The following ZFHX3 variants were observed in gnomAD, a reference collection of about 807,000 sequenced individuals.
ZFHX3 encodes zinc finger homeobox protein 3.
Under a neutral mutation model 279.1 loss-of-function variants are expected in ZFHX3, and 42 were observed. The observed-to-expected ratio is 0.15, with a 90% CI of 0.12 to 0.19. The LOEUF is 0.19. ZFHX3 is among the 10% of genes least tolerant of loss of function. The pLI is 1.00. For synonymous variants in ZFHX3, 2,293 were observed against 1,957.8 expected, an observed-to-expected ratio of 1.17 and a Z score of -4.52; for missense variants, 4,981 against 4,754.0, an observed-to-expected ratio of 1.05 and a Z score of -1.40.
intron 5 of ZFHX3, among the ~76,000 whole-genome samples, chr16:73,215,048 T>C (rs1007413718): frequency 3.3e-5 from 5 of 152,106 alleles, no homozygotes; most frequent in Non-Finnish European, 7.4e-5. Flanking sequence ...TCTTAGTTCT[T>C]TGCCATAAAT....
intron 3 of ZFHX3, among the ~76,000 whole-genome samples, chr16:72,948,748 A>G (rs1960830146): frequency 6.6e-6 from 1 of 152,162 alleles, no homozygotes; most frequent in African/African-American, 2.4e-5. Context: ...GCAACCTTCA[A>G]TGGCCACGCC....
Position 72,798,467 on chromosome 16 carries a change from C to T in ZFHX3, c.4215G>A (p.Gln1405=), listed in dbSNP as rs762950193. The change falls in exon 9 of 10, where the codon CAG becomes CAA. Residue 1405 remains glutamine, a synonymous_variant. Transcript: ENST00000268489. The stretch of plus-strand genomic sequence containing the variant: ...CAATGGTCTTGAAGGCCAGGCTACA[C>T]TGATTACAGCGGTACTTGTACACAT... ...DRHVYKYRCN[Q]CSLAFKTIEK... is the part of the protein sequence containing the mutation. The T allele has an allele frequency of 1.9e-6, 3 of 1,614,108 alleles. No homozygotes were observed. Among genetic ancestry groups the T allele is most frequent in the Admixed American group, 3.3e-5 (2 of 60,010 alleles).
At chr16:73,857,213 C>A (rs919711616) in intron 1 of ZFHX3, among the ~76,000 whole-genome samples, 2 of 152,142 alleles carry the variant, frequency 1.3e-5, no homozygotes, top group Non-Finnish European at 2.9e-5. Flanking sequence ...GAGTTTAATT[C>A]TATTAAATTA....
At position 72,967,105 on chromosome 16, in the gene ZFHX3, G is replaced by A. The variant is rs544523483; in HGVS notation, c.-49-6911C>T. On this transcript the variant is annotated intron_variant, in intron 1 of 9. Transcript: ENST00000268489. ...AGTCCTCCACATCTGACATGTAATA[G>A]GTGCTTAATAAAACAATGGGGGAAA... Among the ~76,000 whole-genome samples, 20 of 152,276 alleles carry A rather than the reference G, an allele frequency of 1.3e-4. No individual in the cohort carries two copies. The South Asian group carries it at 3.7e-3, about 28-fold the overall frequency.
intron 3 of ZFHX3, among the ~76,000 whole-genome samples, chr16:72,949,555 C>T (rs886609289): frequency 6.6e-6 from 1 of 152,078 alleles, no homozygotes; most frequent in African/African-American, 2.4e-5. Context: ...GGAGCACCTC[C>T]CCCTCGGTTG....
At chr16:73,204,721 G>C (rs2011735202) in intron 5 of ZFHX3, among the ~76,000 whole-genome samples, 1 of 152,200 alleles carries the variant, frequency 6.6e-6, no homozygotes, top group African/African-American at 2.4e-5. Context: ...CAAGGATATA[G>C]TGCAGATTAA....
At chr16:72,935,605 G>A (rs996237235) in intron 3 of ZFHX3, among the ~76,000 whole-genome samples, 1 of 152,014 alleles carries the variant, frequency 6.6e-6, no homozygotes, top group South Asian at 2.1e-4. Flanking sequence ...GCTGGGCATG[G>A]TGGCATGTGC....
At chr16:73,395,204 C>A (rs1166472502) in intron 3 of ZFHX3, among the ~76,000 whole-genome samples, 7 of 152,206 alleles carry the variant, frequency 4.6e-5, no homozygotes, top group African/African-American at 1.7e-4. Context: ...GTGGCTCATG[C>A]CTGTAATCCC....
At chr16:73,469,626 T>C (rs1411541904) in intron 2 of ZFHX3, among the ~76,000 whole-genome samples, 2 of 144,286 alleles carry the variant, frequency 1.4e-5, no homozygotes, top group African/African-American at 5.2e-5. Context: ...TATATATATA[T>C]ATTTTTTTTG....
At chr16:73,531,139 T>C (rs1204301615) in intron 2 of ZFHX3, among the ~76,000 whole-genome samples, 4 of 152,210 alleles carry the variant, frequency 2.6e-5, no homozygotes, top group African/African-American at 9.6e-5. Flanking sequence ...TTTCCTAATA[T>C]AAATCTTTGT....
At position 72,785,122 on chromosome 16, in the gene ZFHX3, T is replaced by A. The variant is rs1400747441; in HGVS notation, c.*2042A>T. ...ACACTTTGGGGGCAAGGGGAGATGGTTTCTGTTGATGTTTAGCTATGAAAG... is the reference window on the plus strand; with the variant it reads ...ACACTTTGGGGGCAAGGGGAGATGGATTCTGTTGATGTTTAGCTATGAAAG... On this transcript the variant is annotated 3_prime_UTR_variant, in exon 10 of 10. Transcript: ENST00000268489. 6.6e-6 allele frequency: 1 copy of A among 152,368 alleles called. No individual in the cohort carries two copies. Among genetic ancestry groups the A allele is most frequent in the East Asian group, 1.9e-4 (1 of 5,200 alleles). 9.4% of individuals were successfully genotyped at this position (152,368 alleles called of 1,614,324 possible). A position where few individuals can be genotyped will look rare whatever the true frequency, so the allele number is the denominator to read the frequency against.
At chr16:73,532,048 A>G (rs1307811052) in intron 2 of ZFHX3, among the ~76,000 whole-genome samples, 1 of 151,928 alleles carries the variant, frequency 6.6e-6, no homozygotes. Context: ...TGATTGTACC[A>G]CTGCATTCCA....
chr16:73,581,018 C>T (rs914452739), intron 2 of ZFHX3, among the ~76,000 whole-genome samples: 1 of 151,828 alleles, frequency 6.6e-6, no homozygotes, highest in African/African-American at 2.4e-5. Flanking sequence ...AGTCTGGACA[C>T]AAGGTGTGTT....
chr16:73,000,174 T>C (rs1963441945), intron 1 of ZFHX3, among the ~76,000 whole-genome samples: 1 of 152,122 alleles, frequency 6.6e-6, no homozygotes, highest in East Asian at 1.9e-4. Flanking sequence ...CCACTGTCTG[T>C]CAACACCAGG....
chr16:72,878,055 T>A (rs2038361308), intron 4 of ZFHX3, among the ~76,000 whole-genome samples: 1 of 151,784 alleles, frequency 6.6e-6, no homozygotes, highest in Non-Finnish European at 1.5e-5. Flanking sequence ...CCAGGTGTGG[T>A]GGTGCATGCC....
chr16:73,186,685 A>G (rs1277938595), intron 5 of ZFHX3, among the ~76,000 whole-genome samples: 2 of 151,728 alleles, frequency 1.3e-5, no homozygotes, highest in African/African-American at 2.4e-5. Flanking sequence ...CATCCATCCT[A>G]TATTTAAAAA....
chr16:73,368,507 T>C (rs1597304282), intron 3 of ZFHX3, among the ~76,000 whole-genome samples: 1 of 152,224 alleles, frequency 6.6e-6, no homozygotes, highest in African/African-American at 2.4e-5. Flanking sequence ...CAGAATCGTA[T>C]TTTAATTCAA....
chr16:73,365,871 G>C (rs1167616611), intron 3 of ZFHX3, among the ~76,000 whole-genome samples: 1 of 152,180 alleles, frequency 6.6e-6, no homozygotes, highest in Non-Finnish European at 1.5e-5. Context: ...AACGGAACCA[G>C]CACATACAAA....
At chr16:73,122,118 A>G (rs1310779578) in intron 7 of ZFHX3, among the ~76,000 whole-genome samples, 1 of 152,178 alleles carries the variant, frequency 6.6e-6, no homozygotes, top group African/African-American at 2.4e-5. Flanking sequence ...GGCCTGGCAC[A>G]TGGTAGGTAC....
Sources: gnomAD v4.1 joint callset for allele counts (sites outside exome capture counted in the v4.1 genomes callset) on GRCh38, gnomAD v4.1.1 for gene constraint, MANE v1.5 for transcripts, NCBI Gene and HGNC (gene_info 2026-07-23, HGNC 2026-07-21) for gene names.